NHS: variants seen among roughly 807,000 people sequenced by gnomAD.
NHS encodes the protein actin remodeling regulator NHS.
A neutral mutation model predicts 72.5 loss-of-function variants in NHS; 5 were observed. The observed-to-expected ratio is 0.07, with a 90% CI of 0.04 to 0.14. The LOEUF is 0.14. Among genes scored for constraint, NHS ranks in the 10% least tolerant of loss-of-function variants. NHS has a pLI of 1.00. For synonymous variants in NHS, 464 were observed against 547.7 expected (o/e 0.85, Z 2.13); for missense variants, 1,072 against 1,355.7 (o/e 0.79, Z 3.29).
At chrX:17,592,426 A>G (rs1426944084) in intron 1 of NHS, among the ~76,000 whole-genome samples, 1 of 112,058 alleles carries the variant, frequency 8.9e-6, no homozygotes, top group African/African-American at 3.2e-5. Flanking sequence ...AGAGGTAATT[A>G]AGGGGAAGAA....
chrX:17,416,291 GGTGTAGGT>G (rs1362758842), intron 1 of NHS, among the ~76,000 whole-genome samples: 1 of 111,505 alleles, frequency 9.0e-6, no homozygotes, highest in African/African-American at 3.3e-5. Context: ...TCCTTAGCAA[GGTGTAGGT>G]CTGAACCCAG....
intron 1 of NHS, among the ~76,000 whole-genome samples, chrX:17,672,244 TCTC>T (rs992295444): frequency 8.9e-6 from 1 of 111,936 alleles, no homozygotes; most frequent in Non-Finnish European, 1.9e-5. Flanking sequence ...GGGTAGCTCT[TCTC>T]CTAGCTGGAA....
chrX:17,537,438 A>T (rs1303951560), intron 1 of NHS, among the ~76,000 whole-genome samples: 1 of 112,882 alleles, frequency 8.9e-6, no homozygotes. Context: ...AAAAACTTCC[A>T]GTAATATGCT....
At chrX:17,631,147 G>T (rs887368455) in intron 1 of NHS, among the ~76,000 whole-genome samples, 2 of 112,232 alleles carry the variant, frequency 1.8e-5, no homozygotes, top group South Asian at 3.8e-4. Flanking sequence ...CAAATCTCTT[G>T]GAGTCCAGCA....
chrX:17,586,581 A>G (rs890008068), intron 1 of NHS: 4 of 112,335 alleles, frequency 3.6e-5, no homozygotes, highest in African/African-American at 1.3e-4. Flanking sequence ...CTCCTTGGCC[A>G]CCTTCTGTGA....
rs751373846 is a variant in NHS at position 17,727,163 on chromosome X, A to G, written c.3057A>G (p.Ala1019=). Residue 1019 remains alanine (A), a synonymous_variant, in exon 7 of 9, where the codon GCA becomes GCG. Transcript: ENST00000676302. ...LASPEKLAGL[A]SPSSGYSSQS... ...CACCAGAAAAGCTGGCTGGCTTGGC[A>G]TCTCCATCAAGTGGCTATTCAAGCC... 543 of 1,208,955 alleles carry G rather than the reference A, an allele frequency of 4.5e-4. 7 individuals carry two copies. In the South Asian group the frequency reaches 8.0e-3, roughly 18 times the overall value.
chrX:17,517,972 G>A (rs961432679), intron 1 of NHS, among the ~76,000 whole-genome samples: 1 of 111,373 alleles, frequency 9.0e-6, no homozygotes, highest in Non-Finnish European at 1.9e-5. Flanking sequence ...GTGGGTGATT[G>A]TATCAGTCAG....
At position 17,725,954 on chromosome X, in the gene NHS, C is replaced by T; in HGVS notation, c.1848C>T (p.Leu616=). The change falls in exon 7 of 9, where the codon CTC becomes CTT. Residue 616 remains leucine (L), a synonymous_variant. Transcript: ENST00000676302. ...ACTGCATCTCCACGGCTGGCGTCCT[C>T]CTTAGCAGCCACATGGACCAGAAAG... ...PIHCISTAGV[L]LSSHMDQKDD... 2 of 1,211,703 alleles carry T rather than the reference C, an allele frequency of 1.7e-6. No individual in the cohort carries two copies.
chrX:17,569,273 C>G (rs770023015), intron 1 of NHS, among the ~76,000 whole-genome samples: 145 of 111,379 alleles, frequency 1.3e-3, no homozygotes, highest in African/African-American at 4.4e-3. Context: ...CTAATTTACA[C>G]TCCCACCAAC....
At chrX:17,632,574 C>T (rs1344326097) in intron 1 of NHS, among the ~76,000 whole-genome samples, 1 of 104,268 alleles carries the variant, frequency 9.6e-6, no homozygotes, top group African/African-American at 3.8e-5. Flanking sequence ...GTTCTAGGCA[C>T]TTGGGCTTCA....
chrX:17,567,714 A>C (rs1286795884), intron 1 of NHS, among the ~76,000 whole-genome samples: 2 of 109,370 alleles, frequency 1.8e-5, no homozygotes, highest in Non-Finnish European at 3.8e-5. Context: ...GAAAAGAAAA[A>C]GAGAGGAGGG....
chrX:17,499,869 G>T (rs1458638073), intron 1 of NHS, among the ~76,000 whole-genome samples: 1 of 111,857 alleles, frequency 8.9e-6, no homozygotes, highest in Non-Finnish European at 1.9e-5. Context: ...GGGGATCCGG[G>T]TGGGGCACCC....
At chrX:17,391,074 A>G (rs1408853816) in intron 1 of NHS, among the ~76,000 whole-genome samples, 3 of 111,638 alleles carry the variant, frequency 2.7e-5, no homozygotes, top group African/African-American at 9.8e-5. Context: ...AGACAGACAG[A>G]CACCCTCTTT....
chrX:17,700,775 A>G (rs1456913931), intron 3 of NHS, among the ~76,000 whole-genome samples: 1 of 112,088 alleles, frequency 8.9e-6, no homozygotes, highest in Non-Finnish European at 1.9e-5. Flanking sequence ...CTATACATAG[A>G]AGAGTGATGG....
At chrX:17,554,148 A>T (rs776890456) in intron 1 of NHS, among the ~76,000 whole-genome samples, 2 of 112,156 alleles carry the variant, frequency 1.8e-5, no homozygotes, top group African/African-American at 6.5e-5. Context: ...CAGCATGTCC[A>T]TATTTGTCTC....
chrX:17,436,823 G>A (rs113345022), intron 1 of NHS, among the ~76,000 whole-genome samples: 3 of 110,983 alleles, frequency 2.7e-5, no homozygotes, highest in African/African-American at 9.8e-5. Context: ...TGGGTTCTGT[G>A]CCAGAAACAA....
intron 1 of NHS, among the ~76,000 whole-genome samples, chrX:17,658,618 A>G (rs2065968498): frequency 8.9e-6 from 1 of 112,080 alleles, no homozygotes; most frequent in African/African-American, 3.3e-5. Flanking sequence ...TTGCTAGTTT[A>G]TCTTTAAAAT....
chrX:17,590,126 G>T (rs2065595998), intron 1 of NHS, among the ~76,000 whole-genome samples: 1 of 112,102 alleles, frequency 8.9e-6, no homozygotes. Flanking sequence ...TCCCCAGCAT[G>T]GGTGAGGGTG....
chrX:17,422,953 C>T (rs2064631620), intron 1 of NHS, among the ~76,000 whole-genome samples: 1 of 111,842 alleles, frequency 8.9e-6, no homozygotes, highest in African/African-American at 3.3e-5. Context: ...GGTCAAACTT[C>T]AAAGTGGCAA....
Sources: allele counts gnomAD v4.1 joint callset (sites outside exome capture counted in the v4.1 genomes callset), GRCh38; gene constraint gnomAD v4.1.1; transcripts MANE v1.5; gene names NCBI Gene and HGNC (gene_info 2026-07-23, HGNC 2026-07-21).